Variants in KCNH8 observed in about 807,000 individuals in gnomAD.
KCNH8 encodes potassium voltage-gated channel subfamily H member 8.
Under a neutral mutation model 103.6 loss-of-function variants are expected in KCNH8, and 70 were observed. The observed-to-expected ratio is 0.68, with a 90% CI of 0.56 to 0.82. The LOEUF is 0.82. Ranked by LOEUF, KCNH8 falls within the 40% of genes least tolerant of loss-of-function variation. KCNH8 has a pLI of 0.00. For synonymous variants in KCNH8, 498 were observed against 489.4 expected (o/e 1.02, Z -0.23); for missense variants, 1,217 against 1,329.9 (o/e 0.92, Z 1.32).
intron 11 of KCNH8, among the ~76,000 whole-genome samples, chr3:19,501,211 C>T (rs894789786): frequency 6.6e-6 from 1 of 151,360 alleles, no homozygotes; most frequent in African/African-American, 2.4e-5. Flanking sequence ...CATACACTCT[C>T]CCAAGACTAA....
intron 8 of KCNH8, among the ~76,000 whole-genome samples, chr3:19,444,019 TG>T (rs985814586): frequency 3.9e-5 from 6 of 152,050 alleles, no homozygotes; most frequent in African/African-American, 1.4e-4. Flanking sequence ...TGTTTGTGTG[TG>T]GGTGTGTTTG....
At chr3:19,200,811 AT>A (rs2063650605) in intron 1 of KCNH8, among the ~76,000 whole-genome samples, 1 of 152,042 alleles carries the variant, frequency 6.6e-6, no homozygotes, top group African/African-American at 2.4e-5. Context: ...TCATTAGTAA[AT>A]TTCTGTCCTT....
intron 5 of KCNH8, among the ~76,000 whole-genome samples, chr3:19,377,462 T>C (rs2066225940): frequency 6.6e-6 from 1 of 152,216 alleles, no homozygotes; most frequent in Non-Finnish European, 1.5e-5. Context: ...AGGGACAATT[T>C]CTTTTTATCC....
intron 2 of KCNH8, among the ~76,000 whole-genome samples, chr3:19,255,459 T>G (rs2064335095): frequency 6.6e-6 from 1 of 152,086 alleles, no homozygotes; most frequent in Admixed American, 6.6e-5. Context: ...CCTGTATTCC[T>G]TTCTCTTGCC....
intron 15 of KCNH8, among the ~76,000 whole-genome samples, chr3:19,524,642 T>A (rs1380429688): frequency 1.3e-5 from 2 of 151,948 alleles, no homozygotes; most frequent in Non-Finnish European, 2.9e-5. Context: ...GGGGTGGATT[T>A]AAAATGCATG....
At position 19,192,996 on chromosome 3, in the gene KCNH8, C is replaced by A. The variant is rs548452271; in HGVS notation, c.76+44201C>A. On this transcript the variant is annotated intron_variant, in intron 1 of 15. Transcript: ENST00000328405. ...AAGGGCAAGATTGTCAGTGATTTAA[C>A]ATTTTTACATAAATTTTTAGAAAGA... Among the ~76,000 whole-genome samples, 6 of 151,602 alleles carry A rather than the reference C, an allele frequency of 4.0e-5. No homozygotes were observed. The South Asian group carries it at 1.2e-3, about 31-fold the overall frequency.
intron 1 of KCNH8, among the ~76,000 whole-genome samples, chr3:19,208,657 AG>A (rs761355558): frequency 3.9e-5 from 6 of 152,010 alleles, no homozygotes; most frequent in Non-Finnish European, 7.4e-5. Context: ...AATTAATAAG[AG>A]GACAATAAAA....
At chr3:19,492,458 G>A (rs189660114) in intron 11 of KCNH8, among the ~76,000 whole-genome samples, 5 of 152,102 alleles carry the variant, frequency 3.3e-5, no homozygotes, top group East Asian at 1.9e-4. Context: ...TATGTTTGTC[G>A]ATCTTATGGA....
intron 4 of KCNH8, among the ~76,000 whole-genome samples, chr3:19,345,629 C>T (rs2065719346): frequency 6.6e-6 from 1 of 151,818 alleles, no homozygotes; most frequent in Admixed American, 6.6e-5. Context: ...AATTGTGTAC[C>T]ATTTTTTTTT....
intron 4 of KCNH8, among the ~76,000 whole-genome samples, chr3:19,344,801 A>G (rs1336401666): frequency 6.6e-6 from 1 of 152,136 alleles, no homozygotes; most frequent in African/African-American, 2.4e-5. Context: ...GCTATTTACA[A>G]ATTCCTTTTA....
chr3:19,512,800 G>C (rs921567624), intron 12 of KCNH8, among the ~76,000 whole-genome samples, 170 bp from the exon 13 acceptor site: 2 of 152,140 alleles, frequency 1.3e-5, no homozygotes, highest in African/African-American at 4.8e-5. Context: ...GAAGTGGGAA[G>C]ACCTTTAACA....
At chr3:19,176,914 C>A (rs746552167) in intron 1 of KCNH8, among the ~76,000 whole-genome samples, 2 of 152,018 alleles carry the variant, frequency 1.3e-5, no homozygotes, top group Non-Finnish European at 2.9e-5. Context: ...CAATACATAA[C>A]CTTGTTTTAT....
chr3:19,434,588 T>C (rs982736927), intron 7 of KCNH8, among the ~76,000 whole-genome samples: 2 of 152,174 alleles, frequency 1.3e-5, no homozygotes, highest in East Asian at 3.9e-4. Flanking sequence ...TTGCCACCTT[T>C]TGCATCACAA....
At chr3:19,173,288 G>A (rs1205112240) in intron 1 of KCNH8, among the ~76,000 whole-genome samples, 2 of 152,124 alleles carry the variant, frequency 1.3e-5, no homozygotes, top group African/African-American at 2.4e-5. Context: ...GCACTGGACC[G>A]GCAATGTGAG....
intron 3 of KCNH8, among the ~76,000 whole-genome samples, chr3:19,326,913 T>C (rs2065431820): frequency 6.6e-6 from 1 of 152,190 alleles, no homozygotes. Context: ...GCTTGGAACT[T>C]GGCTGGGGAC....
At chr3:19,241,680 ATG>A (rs2064143172) in intron 1 of KCNH8, among the ~76,000 whole-genome samples, 1 of 151,784 alleles carries the variant, frequency 6.6e-6, no homozygotes, top group Non-Finnish European at 1.5e-5. Flanking sequence ...GTGTGTGTGT[ATG>A]TGTGTCTCAG....
In KCNH8 at chr3:19,412,335, T is replaced by C. The variant is rs564147349; in HGVS notation, c.1177+17024T>C. Among the ~76,000 whole-genome samples the C allele has an allele frequency of 2.0e-5, 3 of 152,136 alleles. No individual in the cohort carries two copies. The East Asian group carries it at 5.8e-4, about 29-fold the overall frequency. On this transcript the variant is annotated intron_variant, in intron 7 of 15. Coordinates refer to ENST00000328405, the MANE Select transcript of KCNH8 (RefSeq NM_144633.3). ...GTAAAATGGTGCTGGGATGCCTAGA[T>C]AGCCATATGCAGAAGAATGAAACTG...
intron 11 of KCNH8, among the ~76,000 whole-genome samples, chr3:19,505,976 C>A (rs1479534935): frequency 1.3e-5 from 2 of 152,088 alleles, no homozygotes; most frequent in African/African-American, 2.4e-5. Context: ...ATTGAGGTTG[C>A]ATTGTAAAAT....
intron 11 of KCNH8, among the ~76,000 whole-genome samples, chr3:19,463,367 G>T (rs972198682): frequency 6.6e-6 from 1 of 151,938 alleles, no homozygotes; most frequent in African/African-American, 2.4e-5. Context: ...AGTTAATAGA[G>T]GACAAAATGG....
Sources: allele counts gnomAD v4.1 joint callset (sites outside exome capture counted in the v4.1 genomes callset), GRCh38; gene constraint gnomAD v4.1.1; transcripts MANE v1.5; gene names NCBI Gene and HGNC (gene_info 2026-07-23, HGNC 2026-07-21).